Variants in NOS3 observed in about 807,000 individuals in gnomAD.
NOS3 encodes the protein NOS type III.
NOS3 carries 98 observed loss-of-function variants against 144.9 expected under a neutral mutation model. That is an observed-to-expected ratio of 0.68 (90% confidence interval 0.57 to 0.80). The LOEUF (loss-of-function observed/expected upper bound fraction) is 0.80, where lower values mean the gene tolerates loss of function less well. Among genes scored for constraint, NOS3 ranks in the 30% least tolerant of loss-of-function variants. The pLI, the probability that NOS3 is intolerant of heterozygous loss-of-function variation, is 0.00. For synonymous variants in NOS3, 714 were observed against 702.4 expected (o/e 1.02, Z -0.26); for missense variants, 1,465 against 1,656.4 (o/e 0.88, Z 2.01).
Position 150,998,463 on chromosome 7 carries a change from C to G in NOS3, c.674+15C>G, listed in dbSNP as rs1383545314. The G allele has an allele frequency of 1.9e-5, 30 of 1,611,830 alleles. No individual in the cohort carries two copies. Among genetic ancestry groups the G allele is most frequent in the Non-Finnish European group, 2.5e-5 (29 of 1,179,570 alleles). On this transcript the variant is annotated intron_variant, in intron 6 of 26. Transcript: ENST00000297494. This position sits in a 1 kb window ranked among gnomAD's most constrained non-coding sequence, Gnocchi z 5.0. ...GGCAACCTTCGGTGAGTGCCCCCCACCATGCCAGGCCCCAGCCTTCTTCCC... is the reference window on the plus strand; with the variant it reads ...GGCAACCTTCGGTGAGTGCCCCCCAGCATGCCAGGCCCCAGCCTTCTTCCC...
At chr7:150,995,165 A>G (rs1350537242) in intron 2 of NOS3, 38 bp from the exon 3 acceptor site, 1 of 1,250,504 alleles carries the variant, frequency 8.0e-7, no homozygotes, top group Non-Finnish European at 1.2e-6. Context: ...GAAAGGAAAC[A>G]AACCCTTCCT....
At position 151,009,614 on chromosome 7, in the gene NOS3, C is replaced by T; in HGVS notation, c.2512+29C>T. ...AGGGGCAGCCTGGGAAGCAACAGGGCACACCAGCCCCATGCCCAGCCCCAC... is the reference window on the plus strand; with the variant it reads ...AGGGGCAGCCTGGGAAGCAACAGGGTACACCAGCCCCATGCCCAGCCCCAC... On this transcript the variant is annotated intron_variant, in intron 20 of 26. Coordinates refer to ENST00000297494, the MANE Select transcript of NOS3 (RefSeq NM_000603.5). 5 of 1,479,768 alleles carry T rather than the reference C, an allele frequency of 3.4e-6. No homozygotes were observed. In the East Asian group the frequency reaches 7.5e-5, roughly 22 times the overall value. 91.7% of individuals were successfully genotyped at this position (1,479,768 alleles called of 1,614,324 possible).
Position 151,006,978 on chromosome 7 carries a change from A to G in NOS3, c.1910A>G (p.Asp637Gly), listed in dbSNP as rs1354881727. Residue 637 changes from aspartate to glycine, a missense_variant, in exon 16 of 27, where the codon GAC (aspartate) becomes GGC (glycine). Around this residue, in one of 5 missense-constraint regions of NOS3, gnomAD observed 745 missense variants for 853.9 expected, o/e 0.87. Coordinates refer to ENST00000297494, the MANE Select transcript of NOS3 (RefSeq NM_000603.5). ...RRKRKESSNT[D>G]SAGALGTLRF... ...AAGAGGAAGGAGTCCAGTAACACAG[A>G]CAGTGCAGGGGCCCTGGGCACCCTC... The G allele has an allele frequency of 1.2e-6, 2 of 1,614,092 alleles. No homozygotes were observed. The highest frequency in any genetic ancestry group is 1.7e-6 in the Non-Finnish European group (2 of 1,179,982).
In NOS3 at chr7:151,014,436, G is replaced by A. The variant is rs1795397600; in HGVS notation, c.*267G>A. On this transcript the variant is annotated 3_prime_UTR_variant, in exon 27 of 27. Transcript: ENST00000297494. The stretch of plus-strand genomic sequence containing the variant: ...CAGGGCCTACTGCCACCCGCTTCCT[G>A]TTTCTTAGTCGAATGTTAGATTCCT... 1 of 463,732 alleles carries A rather than the reference G, an allele frequency of 2.2e-6. No individual in the cohort carries two copies. Among genetic ancestry groups the A allele is most frequent in the African/African-American group, 2.0e-5 (1 of 50,762 alleles). 28.7% of individuals were successfully genotyped at this position (463,732 alleles called of 1,614,324 possible). A position where few individuals can be genotyped will look rare whatever the true frequency, so the allele number is the denominator to read the frequency against.
chr7:151,006,991 C>T lies in NOS3; in HGVS notation c.1923C>T (p.Ala641=), dbSNP rs1414891073. The T allele has an allele frequency of 1.2e-6, 2 of 1,614,058 alleles. No individual in the cohort carries two copies. The highest frequency in any genetic ancestry group is 1.7e-5 in the Admixed American group (1 of 60,032). ...KESSNTDSAG[A]LGTLRFCVFG... ...CCAGTAACACAGACAGTGCAGGGGC[C>T]CTGGGCACCCTCAGGTCAGGGCCTC... Residue 641 remains alanine (A), a synonymous_variant, in exon 16 of 27, where the codon GCC becomes GCT. Transcript: ENST00000297494.
At chr7:151,006,677 C>A (rs542215416) in intron 15 of NOS3, among the ~76,000 whole-genome samples, 183 bp downstream of exon 15, 2 of 152,336 alleles carry the variant, frequency 1.3e-5, no homozygotes, top group Admixed American at 1.3e-4. Context: ...TTCTGAGAGC[C>A]GGGACAGTCC....
At position 150,998,452 on chromosome 7, in the gene NOS3, A is replaced by T; in HGVS notation, c.674+4A>T. ...CCACCAACCGGGGCAACCTTCGGTG[A>T]GTGCCCCCCACCATGCCAGGCCCCA... On this transcript the variant is annotated splice_donor_region_variant and intron_variant, in intron 6 of 26. Coordinates refer to ENST00000297494, the MANE Select transcript of NOS3 (RefSeq NM_000603.5). The surrounding 1 kb of genome is among the most constrained non-coding windows in gnomAD (Gnocchi z 5.0). 1 of 1,612,064 alleles carries T rather than the reference A, an allele frequency of 6.2e-7. No individual in the cohort carries two copies. The highest frequency in any genetic ancestry group is 1.1e-5 in the South Asian group (1 of 90,938).
chr7:151,005,014 T>C (rs891060589), intron 14 of NOS3, among the ~76,000 whole-genome samples: 10 of 152,098 alleles, frequency 6.6e-5, no homozygotes, highest in Admixed American at 6.5e-5. Context: ...CCCGCCACCA[T>C]GGCCAGCTAA....
At position 151,006,473 on chromosome 7, in the gene NOS3, C is replaced by T. The variant is rs1003496315; in HGVS notation, c.1799C>T (p.Ser600Phe). 1.2e-6 allele frequency: 2 copies of T among 1,613,722 alleles called. No homozygotes were observed. The highest frequency in any genetic ancestry group is 2.7e-5 in the African/African-American group (2 of 74,918). The part of the protein sequence containing the change: ...LMEMSGPYNS[S>F]PRPEQHKSYK... ...GAGATGTCCGGCCCCTACAACAGCT[C>T]CCCTCGGCCGGAACAGCACAAGTGA... Residue 600 changes from serine to phenylalanine, a missense_variant, in exon 15 of 27, where the codon TCC becomes TTC. Transcript: ENST00000297494.
At chr7:151,004,010 A>G in intron 14 of NOS3, 1 of 257,770 alleles carries the variant, frequency 3.9e-6, no homozygotes, top group South Asian at 3.9e-5. Context: ...GTCATAGGGT[A>G]GATGCATGTT....
At chr7:150,999,512 A>G in intron 9 of NOS3, 148 bp downstream of exon 9, 3 of 852,544 alleles carry the variant, frequency 3.5e-6, no homozygotes, top group Non-Finnish European at 5.3e-6. Flanking sequence ...CAAGCTCTAG[A>G]ACCACTGAAG....
chr7:151,014,181 C>T lies in NOS3; in HGVS notation c.*12C>T, dbSNP rs773809579. The T allele has an allele frequency of 6.3e-7, 1 of 1,591,096 alleles. No individual in the cohort carries two copies. Among genetic ancestry groups the T allele is most frequent in the Middle Eastern group, 1.7e-4 (1 of 5,858 alleles). On this transcript the variant is annotated 3_prime_UTR_variant, in exon 27 of 27. Coordinates refer to ENST00000297494, the MANE Select transcript of NOS3 (RefSeq NM_000603.5). The stretch of plus-strand genomic sequence containing the variant: ...CCAACAGCCCCTGAGAGCCGCCTGG[C>T]TTTCCCTTCCAGTTCCGGGAGAGCG...
chr7:151,001,448 C>T, intron 11 of NOS3, 23 bp downstream of exon 11: 1 of 1,588,650 alleles, frequency 6.3e-7, no homozygotes, highest in Non-Finnish European at 8.6e-7. Context: ...ACTGGCTCTG[C>T]CAGCCTGGGC....
rs1795298858 is a variant in NOS3 at position 151,011,288 on chromosome 7, G to C, written c.2984+302G>C. Among the ~76,000 whole-genome samples, 3 of 152,064 alleles carry C rather than the reference G, an allele frequency of 2.0e-5. No individual in the cohort carries two copies. The South Asian group carries it at 6.2e-4, about 32-fold the overall frequency. ...CTATGTCCCTGGGCTGTCTGATGTT[G>C]GGCAGCATGGCACCTGGGAACTACA... is the stretch of plus-strand genomic sequence containing the variant. On this transcript the variant is annotated intron_variant, in intron 23 of 26. Coordinates refer to ENST00000297494, the MANE Select transcript of NOS3 (RefSeq NM_000603.5).
intron 3 of NOS3, among the ~76,000 whole-genome samples, chr7:150,995,902 C>T (rs1408756587): frequency 6.8e-5 from 1 of 14,766 alleles, no homozygotes; most frequent in East Asian, 1.2e-3. Context: ...CCCTAAACCC[C>T]TCCTCCCTCT....
intron 2 of NOS3, among the ~76,000 whole-genome samples, chr7:150,994,900 C>T (rs1802335696): frequency 6.6e-6 from 1 of 152,180 alleles, no homozygotes; most frequent in South Asian, 2.1e-4. Context: ...CTTATAGCAG[C>T]TTTGCGGGGG....
chr7:151,008,999 C>T lies in NOS3; in HGVS notation c.2182C>T (p.Arg728Trp). 1 of 1,611,890 alleles carries T rather than the reference C, an allele frequency of 6.2e-7. No individual in the cohort carries two copies. Among genetic ancestry groups the T allele is most frequent in the Non-Finnish European group, 8.5e-7 (1 of 1,179,454 alleles). Residue 728 changes from arginine (R) to tryptophan (W), a missense_variant, in exon 18 of 27, where the codon CGG becomes TGG. Transcript: ENST00000297494. ...AAARDIFSPK[R>W]SWKRQRYRLS... The stretch of plus-strand genomic sequence containing the variant: ...CGCCCGAGACATCTTCAGCCCCAAA[C>T]GGAGCTGGAAGCGCCAGAGGTACCG...
At position 151,009,514 on chromosome 7, in the gene NOS3, T is replaced by C; in HGVS notation, c.2441T>C (p.Leu814Pro). 6.5e-7 allele frequency: 1 copy of C among 1,546,822 alleles called. No homozygotes were observed. Among genetic ancestry groups the C allele is most frequent in the Non-Finnish European group, 8.7e-7 (1 of 1,146,292 alleles). ...PNRPGLVEALLSRVEDPPAPT... is the reference protein window; with the variant it reads ...PNRPGLVEALPSRVEDPPAPT... The stretch of plus-strand genomic sequence containing the variant: ...CGGCCCGGCCTTGTGGAGGCGCTGC[T>C]GAGCCGCGTGGAGGACCCGCCGGCG... The change falls in exon 20 of 27, where the codon CTG becomes CCG. Residue 814 changes from leucine (L) to proline (P), a missense_variant. Coordinates refer to ENST00000297494, the MANE Select transcript of NOS3 (RefSeq NM_000603.5).
At chr7:150,999,399 A>G (rs1165464541) in intron 9 of NOS3, 35 bp downstream of exon 9, 1 of 1,531,934 alleles carries the variant, frequency 6.5e-7, no homozygotes, top group Non-Finnish European at 8.8e-7. Context: ...CACCGAATGC[A>G]CCTGTCCAAG....
Sources: allele counts gnomAD v4.1 joint callset (sites outside exome capture counted in the v4.1 genomes callset), GRCh38; gene constraint gnomAD v4.1.1; regional missense constraint gnomAD v4.1.1; non-coding constraint Gnocchi (gnomAD v3.1); transcripts MANE v1.5; gene names NCBI Gene and HGNC (gene_info 2026-07-23, HGNC 2026-07-21).